The following HCRTR2 variants were observed in gnomAD, a reference collection of about 807,000 sequenced individuals.
HCRTR2 encodes hypocretin receptor 2.
A neutral mutation model predicts 49.0 loss-of-function variants in HCRTR2; 22 were observed. That is an observed-to-expected ratio of 0.45 (90% confidence interval 0.32 to 0.64). The LOEUF is 0.64. HCRTR2 is among the 30% of genes least tolerant of loss of function. The pLI is 0.04. For synonymous variants in HCRTR2, 236 were observed against 205.3 expected, an observed-to-expected ratio of 1.15 and a Z score of -1.28; for missense variants, 491 against 559.4, an observed-to-expected ratio of 0.88 and a Z score of 1.23.
intron 1 of HCRTR2, among the ~76,000 whole-genome samples, chr6:55,126,069 T>G (rs1396135095): frequency 6.6e-6 from 1 of 152,170 alleles, no homozygotes; most frequent in African/African-American, 2.4e-5. Flanking sequence ...ACATGCTCCT[T>G]TAGCTTAGAG....
chr6:55,131,474 C>A (rs4236126), intron 1 of HCRTR2, among the ~76,000 whole-genome samples: 151,831 of 151,868 alleles, frequency 1, 75,897 homozygotes, highest in Non-Finnish European at 1. Context: ...AAGTTTTTAC[C>A]GTCTCCTAAA....
intron 1 of HCRTR2, among the ~76,000 whole-genome samples, chr6:55,129,254 C>G (rs926905416): frequency 2.6e-5 from 4 of 152,050 alleles, no homozygotes; most frequent in Non-Finnish European, 5.9e-5. Flanking sequence ...AAAATGTTGA[C>G]TAATCATATC....
intron 1 of HCRTR2, among the ~76,000 whole-genome samples, chr6:55,178,278 T>C (rs1412301164): frequency 6.6e-6 from 1 of 152,106 alleles, no homozygotes; most frequent in Admixed American, 6.6e-5. Context: ...AGATATCATA[T>C]GTTTCATCTG....
upstream of HCRTR2, among the ~76,000 whole-genome samples, chr6:55,169,835 T>A (rs1380921898): frequency 6.6e-6 from 1 of 152,158 alleles, no homozygotes; most frequent in East Asian, 1.9e-4. Context: ...ACCAATGGAC[T>A]GAGAGATCAT....
intron 1 of HCRTR2, among the ~76,000 whole-genome samples, chr6:55,147,484 C>G (rs963026814): frequency 1.1e-4 from 16 of 152,156 alleles, no homozygotes; most frequent in Admixed American, 1.0e-3. Flanking sequence ...TCACACCAAC[C>G]TTATGAAATA....
intron 4 of HCRTR2, among the ~76,000 whole-genome samples, chr6:55,269,522 T>A (rs531530599): frequency 6.6e-6 from 1 of 152,230 alleles, no homozygotes; most frequent in African/African-American, 2.4e-5. Flanking sequence ...GTTTTCAGGA[T>A]GAAAGATTAA....
chr6:55,248,447 G>A (rs749427926), intron 1 of HCRTR2, among the ~76,000 whole-genome samples, 192 bp from the exon 2 acceptor site: 5 of 152,062 alleles, frequency 3.3e-5, no homozygotes, highest in Non-Finnish European at 7.4e-5. Context: ...GTCATGCAAG[G>A]TAAATGAACT....
At chr6:55,238,043 T>C (rs1766247263) in intron 1 of HCRTR2, among the ~76,000 whole-genome samples, 1 of 152,162 alleles carries the variant, frequency 6.6e-6, no homozygotes. Context: ...TTATATCCCC[T>C]GGAGTATAGA....
intron 1 of HCRTR2, among the ~76,000 whole-genome samples, chr6:55,240,069 G>A (rs1184593299): frequency 6.6e-6 from 1 of 151,756 alleles, no homozygotes; most frequent in Non-Finnish European, 1.5e-5. Context: ...GAGCCACCGC[G>A]CCCGGCCAGT....
intron 1 of HCRTR2, among the ~76,000 whole-genome samples, chr6:55,107,031 T>C (rs1006200461): frequency 5.9e-5 from 9 of 152,178 alleles, no homozygotes; most frequent in African/African-American, 2.2e-4. Context: ...TGACTGTCTT[T>C]CTTTTCAAGG....
intron 1 of HCRTR2, among the ~76,000 whole-genome samples, chr6:55,162,186 C>T (rs557224023): frequency 1.5e-4 from 23 of 152,194 alleles, no homozygotes; most frequent in East Asian, 7.7e-4. Context: ...GTTCAACATA[C>T]GAAAATCAAT....
In HCRTR2 at chr6:55,260,924, T is replaced by TA. The variant is rs1369534109; in HGVS notation, c.647-2782dup. ...AGCTTTCATGCTTCTACATCCCCTT[T>TA]ATGAAGTAATGAAAAGAATAAAATA... is the stretch of plus-strand genomic sequence containing the variant. On this transcript the variant is annotated intron_variant, in intron 3 of 6. Coordinates refer to ENST00000370862, the MANE Select transcript of HCRTR2 (RefSeq NM_001384272.1). Among the ~76,000 whole-genome samples, 3 of 152,298 alleles carry TA rather than the reference T, an allele frequency of 2.0e-5. No homozygotes were observed. In the South Asian group the frequency reaches 6.2e-4, roughly 32 times the overall value.
chr6:55,208,681 C>T (rs1475376297), intron 1 of HCRTR2, among the ~76,000 whole-genome samples: 1 of 152,122 alleles, frequency 6.6e-6, no homozygotes, highest in Non-Finnish European at 1.5e-5. Flanking sequence ...ACACCTCACA[C>T]TTTAAGCTGG....
intron 1 of HCRTR2, among the ~76,000 whole-genome samples, chr6:55,180,495 A>C (rs891787225): frequency 1.3e-5 from 2 of 152,230 alleles, no homozygotes; most frequent in Non-Finnish European, 2.9e-5. Flanking sequence ...AAGCCAATCA[A>C]GGTCGGGCTA....
At chr6:55,178,902 G>A (rs1765085139) in intron 1 of HCRTR2, among the ~76,000 whole-genome samples, 1 of 152,104 alleles carries the variant, frequency 6.6e-6, no homozygotes, top group South Asian at 2.1e-4. Flanking sequence ...TTGTTAATAG[G>A]TTGTTGATAG....
chr6:55,177,131 CATA>C (rs746763514), intron 1 of HCRTR2, among the ~76,000 whole-genome samples: 6 of 152,180 alleles, frequency 3.9e-5, no homozygotes, highest in Non-Finnish European at 7.3e-5. Flanking sequence ...CTACTTGTTT[CATA>C]ATGTCAAGGA....
chr6:55,125,844 C>A (rs1040060339), intron 1 of HCRTR2, among the ~76,000 whole-genome samples: 1 of 151,720 alleles, frequency 6.6e-6, no homozygotes, highest in Non-Finnish European at 1.5e-5. Context: ...ATCTTGTCTT[C>A]TCACTTTATT....
intron 1 of HCRTR2, among the ~76,000 whole-genome samples, chr6:55,152,031 G>C (rs1198800397): frequency 6.6e-6 from 1 of 151,946 alleles, no homozygotes; most frequent in African/African-American, 2.4e-5. Context: ...CAGACCTGCT[G>C]CCATCCAGGC....
intron 1 of HCRTR2, among the ~76,000 whole-genome samples, chr6:55,221,264 C>T (rs1391561034): frequency 6.6e-6 from 1 of 152,126 alleles, no homozygotes; most frequent in Non-Finnish European, 1.5e-5. Flanking sequence ...TCTCATGCTT[C>T]CTGACTTCAA....
Sources: gnomAD v4.1 joint callset for allele counts (sites outside exome capture counted in the v4.1 genomes callset) on GRCh38, gnomAD v4.1.1 for gene constraint, MANE v1.5 for transcripts, NCBI Gene and HGNC (gene_info 2026-07-23, HGNC 2026-07-21) for gene names.